Variants in UPRT observed in about 807,000 individuals in gnomAD.
UPRT encodes the protein uracil phosphoribosyltransferase homolog.
UPRT carries 5 observed loss-of-function variants against 22.6 expected under a neutral mutation model. The ratio of observed to expected loss-of-function variants is 0.22; its 90% CI spans 0.12 to 0.47. The LOEUF (loss-of-function observed/expected upper bound fraction) is 0.47. UPRT is among the 20% of genes least tolerant of loss of function. The pLI is 0.99. For missense variants in UPRT, 181 were observed against 239.9 expected, an observed-to-expected ratio of 0.75 and a Z score of 1.62; for synonymous variants, 77 against 87.7, an observed-to-expected ratio of 0.88 and a Z score of 0.68.
intron 1 of UPRT, among the ~76,000 whole-genome samples, chrX:75,287,845 T>C (rs1384768811): frequency 9.0e-6 from 1 of 111,148 alleles, no homozygotes; most frequent in Non-Finnish European, 1.9e-5. Context: ...TGAATGAAAT[T>C]GATACACAAA....
intron 4 of UPRT, among the ~76,000 whole-genome samples, chrX:75,192,819 T>G (rs1199805714): frequency 8.9e-6 from 1 of 112,217 alleles, no homozygotes; most frequent in African/African-American, 3.2e-5. Flanking sequence ...TTGGCAGATT[T>G]TTCTCCATTC....
intron 2 of UPRT, 58 bp from the exon 3 acceptor site, chrX:75,296,284 A>G: frequency 9.2e-7 from 1 of 1,087,973 alleles, no homozygotes; most frequent in Non-Finnish European, 1.3e-6. Flanking sequence ...TCCTGAAGCT[A>G]ACAGCTAACA....
intron 4 of UPRT, among the ~76,000 whole-genome samples, chrX:75,191,697 C>A (rs2082315812): frequency 8.9e-6 from 1 of 112,155 alleles, no homozygotes; most frequent in Non-Finnish European, 1.9e-5. Context: ...TGCCACCTTG[C>A]AGTTGGATCT....
chrX:75,209,344 T>G (rs1409166203), intron 4 of UPRT, among the ~76,000 whole-genome samples: 2 of 111,310 alleles, frequency 1.8e-5, no homozygotes, highest in Non-Finnish European at 3.8e-5. Flanking sequence ...AGAGTTTGGC[T>G]GAGCACAGTC....
At chrX:75,184,200 A>G (rs1446215336) in intron 4 of UPRT, among the ~76,000 whole-genome samples, 1 of 111,443 alleles carries the variant, frequency 9.0e-6, no homozygotes, top group Non-Finnish European at 1.9e-5. Context: ...TGATTTTTGT[A>G]TAAGGTGTAA....
intron 1 of UPRT, among the ~76,000 whole-genome samples, chrX:75,290,531 A>G (rs755690179): frequency 1.1e-4 from 12 of 112,024 alleles, no homozygotes; most frequent in Non-Finnish European, 2.3e-4. Context: ...AACAGCAACG[A>G]CATGGAATCC....
intron 1 of UPRT, chrX:75,274,856 G>A (rs1423160007): frequency 2.5e-6 from 1 of 402,004 alleles, no homozygotes; most frequent in Non-Finnish European, 4.1e-6. Flanking sequence ...TCCAAGTTCC[G>A]GTGTCTAACA....
At chrX:75,218,790 A>G (rs1278588769) in intron 4 of UPRT, among the ~76,000 whole-genome samples, 3 of 107,388 alleles carry the variant, frequency 2.8e-5, no homozygotes, top group Non-Finnish European at 3.8e-5. Flanking sequence ...TTGCAAGAAC[A>G]AAAAACCAAA....
In UPRT at chrX:75,274,878, G is replaced by C. The variant is rs1456095964; in HGVS notation, c.386+238G>C. ...TCCGGTGTCTAACATCACTTTGGGT[G>C]GGGAGGAAGACTTTAGGTAGCCTCT... On this transcript the variant is annotated intron_variant, in intron 1 of 6. Transcript: ENST00000373383. 1.3e-5 allele frequency: 5 copies of C among 375,463 alleles called. No individual in the cohort carries two copies. In the Admixed American group the frequency reaches 2.5e-4, roughly 19 times the overall value. The allele number at this position is 375,463 out of a possible 1,213,427, so 30.9% of individuals were successfully genotyped here.
At position 75,212,109 on chromosome X, in the gene UPRT, T is replaced by A. The variant is rs558285260; in HGVS notation, c.-447+44230T>A. Among the ~76,000 whole-genome samples the A allele has an allele frequency of 4.5e-5, 5 of 112,237 alleles. No individual in the cohort carries two copies. In the South Asian group the frequency reaches 1.9e-3, roughly 42 times the overall value. On this transcript the variant is annotated intron_variant, in intron 4 of 13. Transcript: ENST00000652605. ...CTGTTTCTCATAGCCCAAACTACCA[T>A]GGAATGTTTCACTTTGATCAAGATC...
At chrX:75,252,395 A>C (rs1048298513) in intron 4 of UPRT, among the ~76,000 whole-genome samples, 1 of 112,161 alleles carries the variant, frequency 8.9e-6, no homozygotes, top group East Asian at 2.8e-4. Flanking sequence ...ATGAACAGAC[A>C]CTTCTCAAAA....
intron 4 of UPRT, among the ~76,000 whole-genome samples, chrX:75,190,054 T>C (rs748940214): frequency 8.9e-6 from 1 of 112,151 alleles, no homozygotes; most frequent in Admixed American, 9.4e-5. Context: ...CATTAGTTGA[T>C]GTAGTTTCTT....
chrX:75,205,507 T>G (rs2082363282), intron 4 of UPRT, among the ~76,000 whole-genome samples: 1 of 110,645 alleles, frequency 9.0e-6, no homozygotes, highest in Non-Finnish European at 1.9e-5. Context: ...ATGAGGTTGG[T>G]CCTGTGAAGA....
intron 4 of UPRT, among the ~76,000 whole-genome samples, chrX:75,264,911 A>G (rs909067970): frequency 3.6e-5 from 4 of 111,680 alleles, no homozygotes; most frequent in African/African-American, 1.3e-4. Context: ...GCCTGTCTGT[A>G]AAGGATTTTA....
intron 4 of UPRT, among the ~76,000 whole-genome samples, chrX:75,236,159 G>C (rs12390451): frequency 0.032 from 3,532 of 110,912 alleles, 147 homozygotes; most frequent in African/African-American, 0.11. Flanking sequence ...CAACAGCAGA[G>C]AAACAGAGAG....
At chrX:75,248,453 G>C (rs2082515178) in intron 4 of UPRT, among the ~76,000 whole-genome samples, 1 of 112,098 alleles carries the variant, frequency 8.9e-6, no homozygotes, top group African/African-American at 3.2e-5. Context: ...GGAAGAAAGG[G>C]TATCAGCGAT....
intron 2 of UPRT, chrX:75,294,651 A>T (rs1167019744): frequency 2.2e-6 from 2 of 916,648 alleles, no homozygotes; most frequent in African/African-American, 2.1e-5. Flanking sequence ...GACCAATTTT[A>T]TTTAAAATTA....
At chrX:75,251,313 C>T (rs373400578) in intron 4 of UPRT, among the ~76,000 whole-genome samples, 158 of 111,351 alleles carry the variant, frequency 1.4e-3, no homozygotes, top group Middle Eastern at 9.2e-3. Context: ...CTAGAAAACC[C>T]GATCGTCTCA....
chrX:75,161,375 A>C (rs1176076612), intron 2 of UPRT, among the ~76,000 whole-genome samples: 1 of 112,808 alleles, frequency 8.9e-6, no homozygotes, highest in Non-Finnish European at 1.9e-5. Flanking sequence ...TTTTAATAAT[A>C]GTTGTTTGTA....
Sources: gnomAD v4.1 joint callset for allele counts (sites outside exome capture counted in the v4.1 genomes callset) on GRCh38, gnomAD v4.1.1 for gene constraint, MANE v1.5 for transcripts, NCBI Gene and HGNC (gene_info 2026-07-23, HGNC 2026-07-21) for gene names.